NIN: variants seen among roughly 807,000 people sequenced by gnomAD.
NIN encodes the protein ninein.
A neutral mutation model predicts 257.6 loss-of-function variants in NIN; 137 were observed. The ratio of observed to expected loss-of-function variants is 0.53; its 90% CI spans 0.46 to 0.61. The LOEUF (loss-of-function observed/expected upper bound fraction) is 0.61, where lower values mean the gene tolerates loss of function less well. NIN is among the 20% of genes least tolerant of loss of function. The pLI is 0.00. For missense variants in NIN, 2,439 were observed against 2,501.2 expected (o/e 0.98, Z 0.53); for synonymous variants, 918 against 919.8 (o/e 1.00, Z 0.04).
Position 50,743,518 on chromosome 14 carries a change from T to A in NIN, c.5199A>T (p.Ser1733=). The change falls in exon 24 of 31, where the codon TCA becomes TCT. Residue 1733 remains serine (S), a synonymous_variant. Transcript: ENST00000530997. ...LNSCVDKLAK[S]SLLEHRIATM... ...TCGCAATTCTATGCTCTAAAAGACT[T>A]GATTTTGCCAACTGTTTCAGGAAGG... The A allele has an allele frequency of 6.2e-7, 1 of 1,612,048 alleles. No individual in the cohort carries two copies. Among genetic ancestry groups the A allele is most frequent in the Non-Finnish European group, 8.5e-7 (1 of 1,178,198 alleles).
chr14:50,769,688 G>T lies in NIN; in HGVS notation c.1434+700C>A, dbSNP rs546127616. 7.9e-5 allele frequency among the ~76,000 whole-genome samples: 12 copies of T among 152,198 alleles called. No individual in the cohort carries two copies. The South Asian group carries it at 2.1e-3, about 26-fold the overall frequency. ...GCTAATTTTTTGTATTTTTAGTAGA[G>T]ACAGGGTTTCACGATGTTGGCCAGG... On this transcript the variant is annotated intron_variant, in intron 12 of 30. Coordinates refer to ENST00000530997, the MANE Select transcript of NIN (RefSeq NM_020921.4).
At position 50,760,149 on chromosome 14, in the gene NIN, G is replaced by T. The variant is rs1014334544; in HGVS notation, c.2107C>A (p.Gln703Lys). 7 of 1,614,074 alleles carry T rather than the reference G, an allele frequency of 4.3e-6. No homozygotes were observed. In the Admixed American group the frequency reaches 5.0e-5, roughly 12 times the overall value. The stretch of plus-strand genomic sequence containing the variant: ...TCCTCCTCAAGCTTCACTTGCAGTT[G>T]TTTTTTCTCCTCCTCATGCCTGCAA... ...ATCRHEEEKK[Q>K]LQVKLEEEKT... Residue 703 changes from glutamine (Q) to lysine (K), a missense_variant, in exon 17 of 31, where the codon CAA (glutamine) becomes AAA (lysine). Gln to Lys is a moderately conservative substitution (Grantham distance 53). Transcript: ENST00000530997.
chr14:50,769,347 A>G (rs1301665176), intron 12 of NIN, among the ~76,000 whole-genome samples: 1 of 152,222 alleles, frequency 6.6e-6, no homozygotes, highest in Non-Finnish European at 1.5e-5. Context: ...GTAAGAGTCC[A>G]GCAAAGAGAA....
chr14:50,723,879 G>A (rs564061182), intron 30 of NIN: 1 of 546,734 alleles, frequency 1.8e-6, no homozygotes, highest in Non-Finnish European at 3.2e-6. Flanking sequence ...CTATTTCTTT[G>A]CATGAGATGT....
Position 50,756,901 on chromosome 14 carries a change from C to G in NIN, c.4129G>C (p.Val1377Leu). 1.9e-6 allele frequency: 3 copies of G among 1,557,712 alleles called. No individual in the cohort carries two copies. Among genetic ancestry groups the G allele is most frequent in the Non-Finnish European group, 2.6e-6 (3 of 1,149,524 alleles). ...TCTATGACATGATGTACACTCCTAA[C>G]CCTGGGCACACACTCTTCCAGTGTC... is the stretch of plus-strand genomic sequence containing the variant. ...NQTLEECVPR[V>L]RSVHHVIEEC... Residue 1377 changes from valine (V) to leucine (L), a missense_variant, in exon 18 of 31, where the codon GTT (valine) becomes CTT (leucine). Physicochemically the swap from Val to Leu is conservative, Grantham distance 32 (BLOSUM62 1). This residue lies in a region of NIN where 2,043 missense variants were observed against 2,050.2 expected (regional missense o/e 1.00). Transcript: ENST00000530997.
intron 5 of NIN, among the ~76,000 whole-genome samples, chr14:50,787,068 C>T (rs1340083223): frequency 6.6e-6 from 1 of 152,184 alleles, no homozygotes; most frequent in African/African-American, 2.4e-5. Context: ...TCAGCTTTAA[C>T]TTTTCTCTCA....
intron 5 of NIN, among the ~76,000 whole-genome samples, chr14:50,786,948 T>C (rs1215699857): frequency 1.3e-5 from 2 of 152,362 alleles, no homozygotes; most frequent in East Asian, 1.9e-4. Flanking sequence ...TCATTTTATG[T>C]AGGGTAGTAA....
intron 3 of NIN, among the ~76,000 whole-genome samples, chr14:50,811,659 T>C (rs1375043708): frequency 6.7e-6 from 1 of 149,440 alleles, no homozygotes; most frequent in East Asian, 2.0e-4. Context: ...CAGCACTTTG[T>C]GAGGCCAAAG....
chr14:50,827,756 CAAAAAAAAA>C (rs370926505), intron 2 of NIN, among the ~76,000 whole-genome samples: 1 of 107,144 alleles, frequency 9.3e-6, no homozygotes, highest in Non-Finnish European at 1.8e-5. Flanking sequence ...GACTCCGTAT[CAAAAAAAAA>C]AAAAAAAAGA....
At chr14:50,729,025 A>G (rs2040554869) in intron 29 of NIN, among the ~76,000 whole-genome samples, 1 of 152,216 alleles carries the variant, frequency 6.6e-6, no homozygotes, top group South Asian at 2.1e-4. Context: ...TCCTAGCAAC[A>G]TTTAAATTCT....
rs762305727 is a variant in NIN at position 50,757,063 on chromosome 14, C to T, written c.3967G>A (p.Val1323Ile). ...TTGCCTTGAAGTCTCAAAACCAGAA[C>T]ATTCAGCCCCTCATTTTCTATTTTG... ...EVKIENEGLN[V>I]LVLRLQGKIE... The change falls in exon 18 of 31, where the codon GTT becomes ATT. Residue 1323 changes from valine (V) to isoleucine (I), a missense_variant. Transcript: ENST00000530997. 5.6e-6 allele frequency: 9 copies of T among 1,613,788 alleles called. No homozygotes were observed. The highest frequency in any genetic ancestry group is 1.7e-5 in the Admixed American group (1 of 59,938).
chr14:50,748,971 A>G (rs1053922471), intron 21 of NIN, among the ~76,000 whole-genome samples: 3 of 152,210 alleles, frequency 2.0e-5, no homozygotes, highest in African/African-American at 4.8e-5. Flanking sequence ...TTTAAATTTC[A>G]TATGGAACAA....
intron 4 of NIN, among the ~76,000 whole-genome samples, chr14:50,796,375 T>A (rs996120695): frequency 2.0e-5 from 3 of 152,188 alleles, no homozygotes; most frequent in Non-Finnish European, 4.4e-5. Flanking sequence ...AAACCTTGCT[T>A]CAACCCTCCA....
chr14:50,723,911 C>T (rs1056727592), intron 30 of NIN: 26 of 467,796 alleles, frequency 5.6e-5, no homozygotes, highest in African/African-American at 3.9e-4. Context: ...ACTAATAGAA[C>T]AGATTGATAT....
chr14:50,812,437 G>A (rs2044676137), intron 3 of NIN, among the ~76,000 whole-genome samples: 1 of 152,150 alleles, frequency 6.6e-6, no homozygotes, highest in Non-Finnish European at 1.5e-5. Context: ...GCCACCAGGT[G>A]TAAAGCACAC....
intron 28 of NIN, among the ~76,000 whole-genome samples, chr14:50,732,380 GAC>G (rs2040756479): frequency 6.6e-6 from 1 of 152,162 alleles, no homozygotes; most frequent in Admixed American, 6.5e-5. Context: ...GGTGAGCTGG[GAC>G]ACACTGTGCA....
intron 4 of NIN, among the ~76,000 whole-genome samples, chr14:50,797,804 G>A (rs934176614): frequency 1.3e-5 from 2 of 152,230 alleles, no homozygotes; most frequent in East Asian, 1.9e-4. Context: ...CTGAGACCAA[G>A]AGAGGGAAAG....
intron 26 of NIN, 103 bp downstream of exon 26, chr14:50,739,205 C>A: frequency 9.3e-7 from 1 of 1,071,472 alleles, no homozygotes; most frequent in South Asian, 1.6e-5. Flanking sequence ...GCAGGATACT[C>A]AAATCCATAC....
chr14:50,785,063 G>C (rs571176260), intron 5 of NIN, among the ~76,000 whole-genome samples: 1 of 152,352 alleles, frequency 6.6e-6, no homozygotes, highest in Non-Finnish European at 1.5e-5. Flanking sequence ...TCTGTGGGCC[G>C]TGCATCTCAA....
Sources: allele counts gnomAD v4.1 joint callset (sites outside exome capture counted in the v4.1 genomes callset), GRCh38; gene constraint gnomAD v4.1.1; regional missense constraint gnomAD v4.1.1; transcripts MANE v1.5; gene names NCBI Gene and HGNC (gene_info 2026-07-23, HGNC 2026-07-21).